Variants in MTHFD1 observed in about 807,000 individuals in gnomAD.
MTHFD1 encodes methylenetetrahydrofolate dehydrogenase, cyclohydrolase and formyltetrahydrofolate synthetase 1, also known as C-1-tetrahydrofolate synthase, cytoplasmic.
In MTHFD1, 44 loss-of-function variants were observed where a neutral mutation model predicts 110.3. The ratio of observed to expected loss-of-function variants is 0.40; its 90% CI spans 0.31 to 0.51. The LOEUF is 0.51. Ranked by LOEUF, MTHFD1 falls within the 20% of genes least tolerant of loss-of-function variation. The probability of loss-of-function intolerance (pLI) is 0.60; values close to 1 mark genes in which losing one functional copy is unlikely to be tolerated. For synonymous variants in MTHFD1, 402 were observed against 428.8 expected (o/e 0.94, Z 0.77); for missense variants, 909 against 1,173.1 (o/e 0.77, Z 3.29).
intron 13 of MTHFD1, 110 bp downstream of exon 13, chr14:64,430,340 C>A: frequency 9.3e-7 from 1 of 1,075,932 alleles, no homozygotes; most frequent in Non-Finnish European, 1.4e-6. Context: ...CTCTGTTGCC[C>A]AGAGCTGGAG....
At chr14:64,420,902 T>C (rs369573670) in intron 8 of MTHFD1, among the ~76,000 whole-genome samples, 3 of 151,848 alleles carry the variant, frequency 2.0e-5, no homozygotes, top group African/African-American at 7.3e-5. Flanking sequence ...CTTAGTGGAG[T>C]GGGCTACTCT....
intron 2 of MTHFD1, among the ~76,000 whole-genome samples, chr14:64,406,709 T>C (rs28630894): frequency 0.078 from 11,797 of 152,148 alleles, 771 homozygotes; most frequent in African/African-American, 0.18. Flanking sequence ...TGAGCTCAAG[T>C]GATCCACCTG....
intron 6 of MTHFD1, among the ~76,000 whole-genome samples, chr14:64,416,478 C>T (rs1233485628): frequency 2.0e-5 from 3 of 152,098 alleles, no homozygotes; most frequent in African/African-American, 7.2e-5. Context: ...TTCCAGGACT[C>T]GACAGATGGC....
intron 26 of MTHFD1, 93 bp from the exon 27 acceptor site, chr14:64,458,121 C>T: frequency 1.0e-6 from 1 of 1,004,410 alleles, no homozygotes; most frequent in South Asian, 1.3e-5. Context: ...GAACTCCTGG[C>T]CTCAAGTGAT....
At position 64,431,637 on chromosome 14, in the gene MTHFD1, A is replaced by G. The variant is rs764445995; in HGVS notation, c.1417A>G (p.Lys473Glu). The G allele has an allele frequency of 9.3e-6, 15 of 1,613,976 alleles. No individual in the cohort carries two copies. The highest frequency in any genetic ancestry group is 3.3e-5 in the South Asian group (3 of 91,084). ...ATTTCATGAACTGACCCAGACAGAC[A>G]AGGTAGGATGCCAAAGCCCCATGAA... ...RIFHELTQTD[K>E]ALFNRLVPSV... Residue 473 changes from lysine (K) to glutamate (E), a missense_variant and splice_region_variant, in exon 14 of 28, where the codon AAG (lysine) becomes GAG (glutamate). Lys to Glu is a moderately conservative substitution (Grantham distance 56, BLOSUM62 1). This residue lies in a region of MTHFD1 where 482 missense variants were observed against 646.0 expected (regional missense o/e 0.75). Coordinates refer to ENST00000652337, the MANE Select transcript of MTHFD1 (RefSeq NM_005956.4).
rs373871561 is a variant in MTHFD1, at chr14:64,431,830, G to C, written c.1463G>C (p.Arg488Thr). 1 of 1,613,948 alleles carries C rather than the reference G, an allele frequency of 6.2e-7. No individual in the cohort carries two copies. Among genetic ancestry groups the C allele is most frequent in the Non-Finnish European group, 8.5e-7 (1 of 1,179,976 alleles). ...GTGCCATCAGTAAATGGAGTGAGAA[G>C]GTTCTCTGACATCCAAATCCGAAGG... is the stretch of plus-strand genomic sequence containing the variant. ...RLVPSVNGVR[R>T]FSDIQIRRLK... Residue 488 changes from arginine (R) to threonine (T), a missense_variant, in exon 15 of 28, where the codon AGG becomes ACG. This residue lies in a region of MTHFD1 where 482 missense variants were observed against 646.0 expected (regional missense o/e 0.75). Transcript: ENST00000652337.
intron 3 of MTHFD1, 82 bp downstream of exon 3, chr14:64,411,231 C>G (rs147438541): frequency 9.3e-7 from 1 of 1,071,568 alleles, no homozygotes; most frequent in Non-Finnish European, 1.4e-6. Flanking sequence ...TTTTGGTCCT[C>G]CCTGTGAAAA....
chr14:64,390,134 G>T (rs2077792914), intron 1 of MTHFD1, among the ~76,000 whole-genome samples: 1 of 152,132 alleles, frequency 6.6e-6, no homozygotes, highest in Non-Finnish European at 1.5e-5. Context: ...TAACCTTTCT[G>T]TGCCAAAGTT....
At chr14:64,434,186 C>T (rs1035623980) in intron 15 of MTHFD1, among the ~76,000 whole-genome samples, 10 of 152,088 alleles carry the variant, frequency 6.6e-5, no homozygotes, top group Non-Finnish European at 1.0e-4. Context: ...TTGCAGATAT[C>T]GGGATAAAAT....
At chr14:64,405,575 G>A (rs1320515307) in intron 2 of MTHFD1, among the ~76,000 whole-genome samples, 3 of 152,130 alleles carry the variant, frequency 2.0e-5, no homozygotes. Flanking sequence ...GTCTCCTTAG[G>A]AGCTCTCTTC....
chr14:64,425,718 C>T lies in MTHFD1; in HGVS notation c.856-12C>T. Reference sequence around the variant, plus strand: ...CACCTCTTCTAAGTTTCATTTATTTCATTTTGCTTAGAGCACAGTAGAGAG... The same window carrying T: ...CACCTCTTCTAAGTTTCATTTATTTTATTTTGCTTAGAGCACAGTAGAGAG... On this transcript the variant is annotated splice_polypyrimidine_tract_variant and intron_variant, in intron 9 of 27. Transcript: ENST00000652337. The T allele has an allele frequency of 6.2e-7, 1 of 1,606,896 alleles. No individual in the cohort carries two copies. Among genetic ancestry groups the T allele is most frequent in the Non-Finnish European group, 8.5e-7 (1 of 1,175,084 alleles).
chr14:64,454,588 C>T (rs116300923), intron 25 of MTHFD1, 135 bp from the exon 26 acceptor site: 2 of 732,120 alleles, frequency 2.7e-6, no homozygotes, highest in Admixed American at 2.2e-5. Context: ...TGGAGGACAG[C>T]AAGATAGAGA....
At chr14:64,405,101 A>AT (rs2077926855) in intron 2 of MTHFD1, among the ~76,000 whole-genome samples, 1 of 152,090 alleles carries the variant, frequency 6.6e-6, no homozygotes, top group African/African-American at 2.4e-5. Flanking sequence ...GCTGTGGTGG[A>AT]TTTTCCCTTT....
In MTHFD1 at chr14:64,437,977, G is replaced by C. The variant is rs558963065; in HGVS notation, c.1598-1119G>C. Reference sequence around the variant, plus strand: ...CAACCTCTGCTTCCCGGGTTCAAGCGATTCTCCTGCCTCAGCCTCCTGAGA... The same window carrying C: ...CAACCTCTGCTTCCCGGGTTCAAGCCATTCTCCTGCCTCAGCCTCCTGAGA... On this transcript the variant is annotated intron_variant, in intron 16 of 27. Transcript: ENST00000652337. 1.2e-4 allele frequency among the ~76,000 whole-genome samples: 19 copies of C among 152,208 alleles called. No individual in the cohort carries two copies. The South Asian group carries it at 3.5e-3, about 28-fold the overall frequency.
intron 22 of MTHFD1, 147 bp from the exon 23 acceptor site, chr14:64,448,070 A>C: frequency 1.4e-6 from 1 of 695,208 alleles, no homozygotes; most frequent in Non-Finnish European, 2.6e-6. Context: ...GAAAAAATGC[A>C]CCAAGGGACC....
intron 24 of MTHFD1, among the ~76,000 whole-genome samples, chr14:64,451,232 G>A (rs187981712): frequency 1.9e-3 from 293 of 152,116 alleles, no homozygotes; most frequent in African/African-American, 6.7e-3. Context: ...ATATTGCTCA[G>A]GCTGGTCTCG....
intron 9 of MTHFD1, among the ~76,000 whole-genome samples, chr14:64,425,253 C>T (rs2140963502): frequency 6.8e-6 from 1 of 146,472 alleles, no homozygotes; most frequent in South Asian, 2.2e-4. Context: ...GCTCTTGCTG[C>T]CCAGGCTGGA....
intron 3 of MTHFD1, 48 bp downstream of exon 3, chr14:64,411,197 G>C: frequency 6.8e-7 from 1 of 1,472,162 alleles, no homozygotes; most frequent in Non-Finnish European, 9.5e-7. Flanking sequence ...CTCCACCTGG[G>C]TCCTATCGAT....
Position 64,388,410 on chromosome 14 carries a change from A to G in MTHFD1, c.-18A>G, listed in dbSNP as rs1320194722. The G allele has an allele frequency of 1.9e-6, 3 of 1,614,204 alleles. No homozygotes were observed. The highest frequency in any genetic ancestry group is 1.7e-5 in the Admixed American group (1 of 60,018). The stretch of plus-strand genomic sequence containing the variant: ...GATATTGGTGGTGTCCATCGTGGGC[A>G]GCGGACTAATAAAGGCCATGGCGCC... On this transcript the variant is annotated 5_prime_UTR_variant, in exon 1 of 28. Transcript: ENST00000652337.
Sources: gnomAD v4.1 joint callset for allele counts (sites outside exome capture counted in the v4.1 genomes callset) on GRCh38, gnomAD v4.1.1 for gene constraint, gnomAD v4.1.1 regional missense constraint, MANE v1.5 for transcripts, NCBI Gene and HGNC (gene_info 2026-07-23, HGNC 2026-07-21) for gene names.